The following SHROOM4 variants were observed in gnomAD, a reference collection of about 807,000 sequenced individuals.
The protein encoded by SHROOM4 is protein Shroom4.
Under a neutral mutation model 80.3 loss-of-function variants are expected in SHROOM4, and 17 were observed. That is an observed-to-expected ratio of 0.21 (90% CI 0.14 to 0.32). SHROOM4 has a LOEUF of 0.32. Ranked by LOEUF, SHROOM4 falls within the 10% of genes least tolerant of loss-of-function variation. The probability of loss-of-function intolerance (pLI) is 1.00; values close to 1 mark genes in which losing one functional copy is unlikely to be tolerated. For synonymous variants in SHROOM4, 400 were observed against 437.5 expected, an observed-to-expected ratio of 0.91 and a Z score of 1.07; for missense variants, 993 against 1,140.3, an observed-to-expected ratio of 0.87 and a Z score of 1.86.
At chrX:50,737,241 T>C (rs1602474630) in intron 1 of SHROOM4, among the ~76,000 whole-genome samples, 1 of 110,509 alleles carries the variant, frequency 9.0e-6, no homozygotes, top group Non-Finnish European at 1.9e-5. Context: ...ATTGAAAAAT[T>C]AAAACGGTAC....
intron 6 of SHROOM4, among the ~76,000 whole-genome samples, chrX:50,603,352 C>T (rs931695336): frequency 9.0e-5 from 10 of 110,550 alleles, no homozygotes; most frequent in African/African-American, 3.0e-4. Flanking sequence ...GCCACTCCTA[C>T]TTGAAATGGA....
At chrX:50,647,072 T>A (rs1391243995) in intron 2 of SHROOM4, among the ~76,000 whole-genome samples, 1 of 112,090 alleles carries the variant, frequency 8.9e-6, no homozygotes, top group East Asian at 2.8e-4. Context: ...GGGAAAGCTC[T>A]GCACATAGCA....
chrX:50,757,390 G>T lies in SHROOM4; in HGVS notation c.117+56512C>A, dbSNP rs145795812. On this transcript the variant is annotated intron_variant, in intron 1 of 8. Transcript: ENST00000376020. Reference sequence around the variant, plus strand: ...GTAGCACACTGACTTGACTATTGTGGCCTTGTCATAAATTTTGAAATTGGC... The same window carrying T: ...GTAGCACACTGACTTGACTATTGTGTCCTTGTCATAAATTTTGAAATTGGC... Among the ~76,000 whole-genome samples the T allele has an allele frequency of 1.9e-3, 211 of 111,801 alleles. 3 individuals carry two copies. The highest frequency in any genetic ancestry group is 6.0e-3 in the African/African-American group (184 of 30,787).
chrX:50,691,834 C>T (rs1210709036), intron 2 of SHROOM4, among the ~76,000 whole-genome samples: 1 of 111,553 alleles, frequency 9.0e-6, no homozygotes, highest in African/African-American at 3.3e-5. Context: ...AGAGCTCTTT[C>T]ATAAAGTTGA....
intron 1 of SHROOM4, among the ~76,000 whole-genome samples, chrX:50,729,053 T>C (rs58652338): frequency 0.065 from 7,237 of 111,369 alleles, 635 homozygotes; most frequent in African/African-American, 0.23. Flanking sequence ...CTGCTACACA[T>C]ATCATTGATG....
chrX:50,596,211 G>A lies in SHROOM4; in HGVS notation c.*484C>T, dbSNP rs1557246532. On this transcript the variant is annotated 3_prime_UTR_variant, in exon 9 of 9. Coordinates refer to ENST00000376020, the MANE Select transcript of SHROOM4 (RefSeq NM_020717.5). The stretch of plus-strand genomic sequence containing the variant: ...CTTTCCCCTGCAAAGCTTGGGTGAG[G>A]CCCTGAAACTGGTGCCAGGTGAATG... The A allele has an allele frequency of 3.0e-6, 1 of 332,770 alleles. No homozygotes were observed. Among genetic ancestry groups the A allele is most frequent in the Non-Finnish European group, 5.8e-6 (1 of 171,951 alleles). The allele number at this position is 332,770 out of a possible 1,213,427, so 27.4% of individuals were successfully genotyped here.
intron 2 of SHROOM4, among the ~76,000 whole-genome samples, chrX:50,659,402 G>T (rs782678583): frequency 1.8e-5 from 2 of 111,779 alleles, no homozygotes; most frequent in South Asian, 7.5e-4. Context: ...GGTAGCTGAT[G>T]AGACAGATGT....
In SHROOM4 at chrX:50,588,003, T is replaced by C. The variant is rs782616173; in HGVS notation, c.*8692A>G. Among the ~76,000 whole-genome samples, 4 of 111,940 alleles carry C rather than the reference T, an allele frequency of 3.6e-5. No homozygotes were observed. The highest frequency in any genetic ancestry group is 2.8e-4 in the Admixed American group (3 of 10,570). ...GTTGACTTTAAGTCTAAAGATAGGT[T>C]TGAGGAGGAGTGGATGTTTTCCCCA... On this transcript the variant is annotated 3_prime_UTR_variant, in exon 9 of 9. Coordinates refer to ENST00000376020, the MANE Select transcript of SHROOM4 (RefSeq NM_020717.5).
Position 50,634,747 on chromosome X carries a change from C to T in SHROOM4, c.1326G>A (p.Gly442=). 1 of 1,211,838 alleles carries T rather than the reference C, an allele frequency of 8.3e-7. No homozygotes were observed. The highest frequency in any genetic ancestry group is 3.0e-5 in the East Asian group (1 of 33,813). ...GCAAAGGGGACAGAGTCCACTGGTG[C>T]CCATCCTGTACGGGTGGGAGCTCCA... The part of the protein sequence containing the change: ...KGMELPPVQD[G]HQWTLSPLHS... Residue 442 remains glycine (G), a synonymous_variant, in exon 4 of 9, where the codon GGG becomes GGA. Transcript: ENST00000376020.
chrX:50,628,951 C>G (rs782650771), intron 4 of SHROOM4, among the ~76,000 whole-genome samples: 1 of 111,852 alleles, frequency 8.9e-6, no homozygotes, highest in Non-Finnish European at 1.9e-5. Context: ...GTACTTTAGA[C>G]TCTGCCTCGA....
At chrX:50,653,596 T>C (rs1013159764) in intron 2 of SHROOM4, among the ~76,000 whole-genome samples, 1 of 111,733 alleles carries the variant, frequency 8.9e-6, no homozygotes, top group African/African-American at 3.3e-5. Context: ...GAACTTCCAA[T>C]ACTATGTTGA....
chrX:50,664,755 G>A (rs1275008089), intron 2 of SHROOM4, among the ~76,000 whole-genome samples: 1 of 111,684 alleles, frequency 9.0e-6, no homozygotes, highest in Non-Finnish European at 1.9e-5. Flanking sequence ...TATTAAAGAT[G>A]CCTGAATTGA....
At chrX:50,585,976 A>G (rs1476527746), downstream of SHROOM4, among the ~76,000 whole-genome samples, 1 of 111,612 alleles carries the variant, frequency 9.0e-6, no homozygotes, top group Admixed American at 9.6e-5. Context: ...AATGCATAAT[A>G]TTATCTAATT....
intron 1 of SHROOM4, among the ~76,000 whole-genome samples, chrX:50,709,296 T>G (rs1933753213): frequency 8.9e-6 from 1 of 112,291 alleles, no homozygotes; most frequent in African/African-American, 3.2e-5. Context: ...AGACTTGCTT[T>G]TGGCTCCACA....
chrX:50,590,234 G>A lies in SHROOM4; in HGVS notation c.*6461C>T, dbSNP rs1928842621. On this transcript the variant is annotated 3_prime_UTR_variant, in exon 9 of 9. Coordinates refer to ENST00000376020, the MANE Select transcript of SHROOM4 (RefSeq NM_020717.5). ...TGAAATTATAATGCCCTTATAAGAA[G>A]GGGAAGAGACCAGATCCCTTTCTTT... Among the ~76,000 whole-genome samples, 1 of 110,761 alleles carries A rather than the reference G, an allele frequency of 9.0e-6. No homozygotes were observed. The highest frequency in any genetic ancestry group is 3.3e-5 in the African/African-American group (1 of 30,409).
intron 1 of SHROOM4, among the ~76,000 whole-genome samples, chrX:50,717,750 G>A (rs1297025785): frequency 3.6e-5 from 4 of 111,822 alleles, no homozygotes; most frequent in Non-Finnish European, 7.5e-5. Context: ...CATTAGGGCA[G>A]CAGTTTTCAC....
At chrX:50,619,534 G>T (rs1930487799) in intron 5 of SHROOM4, among the ~76,000 whole-genome samples, 1 of 111,789 alleles carries the variant, frequency 8.9e-6, no homozygotes, top group Non-Finnish European at 1.9e-5. Context: ...TGAACAATTA[G>T]CTTGGCAACA....
chrX:50,798,427 GA>G (rs1557272301), intron 1 of SHROOM4, among the ~76,000 whole-genome samples: 1 of 111,925 alleles, frequency 8.9e-6, no homozygotes, highest in East Asian at 2.8e-4. Flanking sequence ...ACTGATCTGT[GA>G]AACCCACGTT....
intron 1 of SHROOM4, among the ~76,000 whole-genome samples, chrX:50,755,247 G>C (rs1168918848): frequency 1.8e-5 from 2 of 111,987 alleles, no homozygotes; most frequent in Non-Finnish European, 3.8e-5. Flanking sequence ...GCCATGGTGG[G>C]AGTATATCCG....
Sources: gnomAD v4.1 joint callset for allele counts (sites outside exome capture counted in the v4.1 genomes callset) on GRCh38, gnomAD v4.1.1 for gene constraint, MANE v1.5 for transcripts, NCBI Gene and HGNC (gene_info 2026-07-23, HGNC 2026-07-21) for gene names.